The following LRP1B variants were observed in gnomAD, a reference collection of about 807,000 sequenced individuals.
LRP1B encodes low-density lipoprotein receptor-related protein 1B.
In LRP1B, 217 loss-of-function variants were observed where a neutral mutation model predicts 556.6. The ratio of observed to expected loss-of-function variants is 0.39; its 90% confidence interval spans 0.35 to 0.44. The LOEUF is 0.44. LRP1B is among the 20% of genes least tolerant of loss of function. The pLI, the probability that LRP1B is intolerant of heterozygous loss-of-function variation, is 1.00. For missense variants in LRP1B, 5,053 were observed against 5,620.8 expected (o/e 0.90, Z 3.23); for synonymous variants, 2,047 against 1,865.8 (o/e 1.10, Z -2.50).
intron 1 of LRP1B, among the ~76,000 whole-genome samples, chr2:141,959,531 T>C (rs933708358): frequency 2.6e-5 from 4 of 151,904 alleles, no homozygotes; most frequent in African/African-American, 7.2e-5. Context: ...AGAATTCTAT[T>C]GAATCAAAAT....
chr2:140,799,997 C>G (rs911590620), intron 32 of LRP1B, among the ~76,000 whole-genome samples: 12 of 152,022 alleles, frequency 7.9e-5, no homozygotes, highest in African/African-American at 2.2e-4. Flanking sequence ...CAGGGAATTC[C>G]CAAATGTCCA....
chr2:141,487,202 A>G (rs925510305), intron 2 of LRP1B, among the ~76,000 whole-genome samples: 4 of 152,130 alleles, frequency 2.6e-5, no homozygotes, highest in African/African-American at 9.7e-5. Context: ...TGACTTCTCC[A>G]AATTCTGTGG....
intron 2 of LRP1B, among the ~76,000 whole-genome samples, chr2:141,740,813 C>G (rs866283224): frequency 6.6e-6 from 1 of 152,120 alleles, no homozygotes. Context: ...GGCTCTTAAT[C>G]CACAAGTCTG....
At chr2:141,339,997 C>T (rs898071687) in intron 3 of LRP1B, among the ~76,000 whole-genome samples, 2 of 152,084 alleles carry the variant, frequency 1.3e-5, no homozygotes, top group Admixed American at 1.3e-4. Flanking sequence ...TATGTGTACC[C>T]ACTGTTTAGC....
chr2:141,984,450 T>C (rs1702128273), intron 1 of LRP1B, among the ~76,000 whole-genome samples: 1 of 152,140 alleles, frequency 6.6e-6, no homozygotes, highest in Non-Finnish European at 1.5e-5. Flanking sequence ...AATTATACTA[T>C]GTTGGCAAAT....
rs1296459593 is a variant in LRP1B at position 140,299,518 on chromosome 2, A to AT, written c.12806-1550dup. Reference sequence around the variant, plus strand: ...TACGTTAAACGCTGAGTAATCTCATATTTTTTTGTTGCCAAAAAATGTTCA... The same window carrying AT: ...TACGTTAAACGCTGAGTAATCTCATATTTTTTTTGTTGCCAAAAAATGTTCA... On this transcript the variant is annotated intron_variant, in intron 83 of 90. Coordinates refer to ENST00000389484, the MANE Select transcript of LRP1B (RefSeq NM_018557.3). Among the ~76,000 whole-genome samples the AT allele has an allele frequency of 2.6e-5, 4 of 152,084 alleles. No homozygotes were observed. In the East Asian group the frequency reaches 7.7e-4, roughly 29 times the overall value.
rs151156162 is a variant in LRP1B at position 140,807,949 on chromosome 2, G to A, written c.5359+5708C>T. On this transcript the variant is annotated intron_variant, in intron 32 of 90. Coordinates refer to ENST00000389484, the MANE Select transcript of LRP1B (RefSeq NM_018557.3). ...TCTACTGAAAATACAAAAATTAACC[G>A]GGTGTAATGGCGCATGCCTGTAATC... Among the ~76,000 whole-genome samples the A allele has an allele frequency of 4.7e-3, 709 of 152,058 alleles. 10 individuals are homozygous for A. Among genetic ancestry groups the A allele is most frequent in the African/African-American group, 0.016 (658 of 41,518 alleles).
At chr2:140,582,491 A>C (rs1681809287) in intron 43 of LRP1B, among the ~76,000 whole-genome samples, 1 of 152,222 alleles carries the variant, frequency 6.6e-6, no homozygotes, top group African/African-American at 2.4e-5. Context: ...CCAATATGAT[A>C]GTATTAAGAG....
intron 1 of LRP1B, among the ~76,000 whole-genome samples, chr2:142,099,894 C>T (rs1706510783): frequency 6.6e-6 from 1 of 151,884 alleles, no homozygotes. Flanking sequence ...TGGAAAGTTT[C>T]TATGGCAACA....
At chr2:140,809,692 G>A (rs1290809332) in intron 32 of LRP1B, among the ~76,000 whole-genome samples, 1 of 152,186 alleles carries the variant, frequency 6.6e-6, no homozygotes, top group African/African-American at 2.4e-5. Context: ...AACATTTATT[G>A]TCTCACATGG....
chr2:141,038,487 A>C (rs115585262), intron 11 of LRP1B, among the ~76,000 whole-genome samples: 1 of 152,234 alleles, frequency 6.6e-6, no homozygotes, highest in African/African-American at 2.4e-5. Context: ...GGAGGTAAAA[A>C]TAAAGTTATG....
intron 66 of LRP1B, among the ~76,000 whole-genome samples, chr2:140,399,102 T>C (rs910306800): frequency 6.6e-6 from 1 of 152,026 alleles, no homozygotes; most frequent in Non-Finnish European, 1.5e-5. Flanking sequence ...AACATTTCTA[T>C]TTGATCTTTT....
At chr2:141,075,246 A>G (rs77807562) in intron 7 of LRP1B, among the ~76,000 whole-genome samples, 6,132 of 152,292 alleles carry the variant, frequency 0.04, 124 homozygotes, top group South Asian at 0.073. Context: ...AGAGAGATTC[A>G]AAAAATAATT....
At chr2:141,682,737 G>GGCA (rs1691149272) in intron 2 of LRP1B, among the ~76,000 whole-genome samples, 1 of 152,028 alleles carries the variant, frequency 6.6e-6, no homozygotes, top group Non-Finnish European at 1.5e-5. Flanking sequence ...CATATTTAGT[G>GGCA]GAATATGGAA....
intron 1 of LRP1B, among the ~76,000 whole-genome samples, chr2:142,021,779 TA>T (rs1481450376): frequency 6.6e-6 from 1 of 152,034 alleles, no homozygotes; most frequent in African/African-American, 2.4e-5. Context: ...AAAATAATAA[TA>T]AAAAATTAAC....
chr2:140,482,095 A>G (rs1189440238), intron 59 of LRP1B, among the ~76,000 whole-genome samples: 1 of 152,064 alleles, frequency 6.6e-6, no homozygotes, highest in East Asian at 1.9e-4. Context: ...TGATTATTTA[A>G]TCAGCTACCT....
At chr2:141,521,496 T>C (rs1684528017) in intron 2 of LRP1B, among the ~76,000 whole-genome samples, 1 of 145,484 alleles carries the variant, frequency 6.9e-6, no homozygotes. Context: ...TTGGAGAAAT[T>C]TTCATCTTTA....
chr2:141,108,857 G>A (rs930082337), intron 7 of LRP1B, among the ~76,000 whole-genome samples: 56 of 152,224 alleles, frequency 3.7e-4, no homozygotes, highest in African/African-American at 1.3e-3. Flanking sequence ...GATATATTTA[G>A]TTGATAGTTT....
rs754194858 is a variant in LRP1B at position 140,776,113 on chromosome 2, T to C, written c.5485A>G (p.Lys1829Glu). 1 of 1,564,460 alleles carries C rather than the reference T, an allele frequency of 6.4e-7. No individual in the cohort carries two copies. Among genetic ancestry groups the C allele is most frequent in the South Asian group, 1.2e-5 (1 of 84,070 alleles). Reference sequence around the variant, plus strand: ...TGTGATTTACCTTGCTGTGCTTCTTTATCATAGACTTTCATATGAACTACC... The same window carrying C: ...TGTGATTTACCTTGCTGTGCTTCTTCATCATAGACTTTCATATGAACTACC... ...SGVVHMKVYD[K>E]EAQQGSNSCQ... Residue 1829 changes from lysine (K) to glutamate (E), a missense_variant, in exon 33 of 91, where the codon AAA (lysine) becomes GAA (glutamate). Transcript: ENST00000389484.
Sources: gnomAD v4.1 joint callset for allele counts (sites outside exome capture counted in the v4.1 genomes callset) on GRCh38, gnomAD v4.1.1 for gene constraint, MANE v1.5 for transcripts, NCBI Gene and HGNC (gene_info 2026-07-23, HGNC 2026-07-21) for gene names.